Variants in KIAA1328 observed in about 807,000 individuals in gnomAD.
The protein encoded by KIAA1328 is protein hinderin.
In KIAA1328, 52 loss-of-function variants were observed where a neutral mutation model predicts 68.1. That is an observed-to-expected ratio of 0.76 (90% CI 0.61 to 0.96). The LOEUF (loss-of-function observed/expected upper bound fraction) is 0.96. Ranked by LOEUF, KIAA1328 falls within the 40% of genes least tolerant of loss-of-function variation. KIAA1328 has a pLI of 0.00. For missense variants in KIAA1328, 641 were observed against 677.6 expected (o/e 0.95, Z 0.60); for synonymous variants, 232 against 239.4 (o/e 0.97, Z 0.28).
At chr18:36,948,261 G>GTTTTTTTTTTTTTTTTT (rs1167822236) in intron 5 of KIAA1328, among the ~76,000 whole-genome samples, 3 of 115,746 alleles carry the variant, frequency 2.6e-5, no homozygotes, top group Non-Finnish European at 5.3e-5. Context: ...TTTGTCTTTT[G>GTTTTTTTTTTTTTTTTT]TTTTTTTTTT....
chr18:37,193,249 C>T (rs2059941226), intron 9 of KIAA1328, among the ~76,000 whole-genome samples: 1 of 152,114 alleles, frequency 6.6e-6, no homozygotes, highest in African/African-American at 2.4e-5. Flanking sequence ...AGTCCCTCAT[C>T]CAAAACTCTT....
chr18:37,217,547 C>T (rs939382910), intron 9 of KIAA1328, among the ~76,000 whole-genome samples: 4 of 152,144 alleles, frequency 2.6e-5, no homozygotes, highest in Non-Finnish European at 5.9e-5. Context: ...GCTGTTAGTC[C>T]AATGGGCTTC....
chr18:37,067,198 T>C lies in KIAA1328; in HGVS notation c.885T>C (p.Cys295=). Residue 295 remains cysteine (C), a synonymous_variant, in exon 7 of 10, where the codon TGT becomes TGC. Coordinates refer to ENST00000280020, the MANE Select transcript of KIAA1328 (RefSeq NM_020776.3). The stretch of plus-strand genomic sequence containing the variant: ...AAGAAGAATTGCACATGAAGGAATG[T>C]CCACATCTTAAGCCTACTCCTAGTC... The part of the protein sequence containing the change: ...MPQEELHMKE[C]PHLKPTPSQC... 1 of 1,613,972 alleles carries C rather than the reference T, an allele frequency of 6.2e-7. No individual in the cohort carries two copies. The highest frequency in any genetic ancestry group is 8.5e-7 in the Non-Finnish European group (1 of 1,179,872).
intron 6 of KIAA1328, among the ~76,000 whole-genome samples, chr18:37,036,217 T>G (rs1172360820): frequency 6.6e-6 from 1 of 152,224 alleles, no homozygotes; most frequent in African/African-American, 2.4e-5. Context: ...TTGAGTTGTT[T>G]CTGGAGCATT....
At chr18:37,189,557 G>C (rs1007008387) in intron 9 of KIAA1328, among the ~76,000 whole-genome samples, 2 of 152,122 alleles carry the variant, frequency 1.3e-5, no homozygotes, top group African/African-American at 4.8e-5. Flanking sequence ...ATGAAATACT[G>C]TATGGCCTAT....
intron 7 of KIAA1328, among the ~76,000 whole-genome samples, chr18:37,128,261 G>A (rs2058439583): frequency 6.6e-6 from 1 of 152,102 alleles, no homozygotes; most frequent in African/African-American, 2.4e-5. Flanking sequence ...TTGAGGCCAG[G>A]AGTTTAAGAC....
chr18:37,095,852 A>C (rs2057389725), intron 7 of KIAA1328, among the ~76,000 whole-genome samples: 1 of 152,248 alleles, frequency 6.6e-6, no homozygotes. Context: ...ATTAGAGACT[A>C]TTATGAAAAA....
At chr18:37,091,816 G>C (rs968394871) in intron 7 of KIAA1328, among the ~76,000 whole-genome samples, 5 of 152,152 alleles carry the variant, frequency 3.3e-5, no homozygotes, top group African/African-American at 1.2e-4. Flanking sequence ...ACACCCTAGG[G>C]AACAGGCAGT....
intron 7 of KIAA1328, among the ~76,000 whole-genome samples, chr18:37,099,512 T>G (rs1351085692): frequency 4.6e-5 from 7 of 152,156 alleles, no homozygotes; most frequent in East Asian, 3.9e-4. Context: ...GTCAATTTTG[T>G]AATAGGTGTG....
intron 6 of KIAA1328, among the ~76,000 whole-genome samples, chr18:37,049,894 C>T (rs1474534591): frequency 6.6e-6 from 1 of 152,098 alleles, no homozygotes; most frequent in East Asian, 1.9e-4. Context: ...ATACAGTGTA[C>T]GTACTTTTTC....
Position 37,223,073 on chromosome 18 carries a change from C to T in KIAA1328, c.*846C>T, listed in dbSNP as rs1403363242. On this transcript the variant is annotated 3_prime_UTR_variant, in exon 10 of 10. Coordinates refer to ENST00000280020, the MANE Select transcript of KIAA1328 (RefSeq NM_020776.3). ...CCCCACCCCCCCACCCCCCATCACACGTGCTCCTGTGAACTTTCCATGGTT... is the reference window on the plus strand; with the variant it reads ...CCCCACCCCCCCACCCCCCATCACATGTGCTCCTGTGAACTTTCCATGGTT... The T allele has an allele frequency of 1.8e-5, 17 of 958,660 alleles. No individual in the cohort carries two copies. Among genetic ancestry groups the T allele is most frequent in the East Asian group, 1.2e-4 (1 of 8,320 alleles). The allele number at this position is 958,660 out of a possible 1,614,324, so 59.4% of individuals were successfully genotyped here. A position where few individuals can be genotyped will look rare whatever the true frequency, so the allele number is the denominator to read the frequency against.
intron 7 of KIAA1328, among the ~76,000 whole-genome samples, chr18:37,133,928 A>G (rs1356875022): frequency 1.3e-5 from 2 of 152,170 alleles, no homozygotes; most frequent in East Asian, 3.8e-4. Context: ...TTTCCAAAGA[A>G]CATATTGATA....
intron 6 of KIAA1328, among the ~76,000 whole-genome samples, chr18:36,975,284 G>A (rs1185108997): frequency 1.3e-5 from 2 of 148,240 alleles, no homozygotes; most frequent in Admixed American, 6.9e-5. Context: ...CCGGGTTCAC[G>A]CCATTCTCCT....
intron 6 of KIAA1328, among the ~76,000 whole-genome samples, chr18:37,021,926 G>C (rs1346735779): frequency 6.6e-6 from 1 of 152,068 alleles, no homozygotes; most frequent in African/African-American, 2.4e-5. Flanking sequence ...TGTAGTCCCA[G>C]CTACTCAGGA....
intron 6 of KIAA1328, among the ~76,000 whole-genome samples, chr18:36,975,751 T>G (rs1249984100): frequency 1.3e-5 from 2 of 152,218 alleles, no homozygotes; most frequent in African/African-American, 4.8e-5. Flanking sequence ...ACTAAATCAT[T>G]TCTTCCCTTA....
intron 7 of KIAA1328, among the ~76,000 whole-genome samples, chr18:37,115,739 T>C (rs994688339): frequency 6.6e-6 from 1 of 152,220 alleles, no homozygotes; most frequent in African/African-American, 2.4e-5. Flanking sequence ...TGTTTGCAGA[T>C]GACATGATTG....
chr18:37,102,291 A>G (rs945199198), intron 7 of KIAA1328, among the ~76,000 whole-genome samples: 1 of 152,162 alleles, frequency 6.6e-6, no homozygotes, highest in Non-Finnish European at 1.5e-5. Context: ...CAGGGGAGGG[A>G]CAGCAACAGG....
chr18:37,207,229 G>C (rs1211224809), intron 9 of KIAA1328, among the ~76,000 whole-genome samples: 1 of 152,114 alleles, frequency 6.6e-6, no homozygotes, highest in Non-Finnish European at 1.5e-5. Context: ...CAATTTGTCT[G>C]GTTCTAAAAC....
chr18:37,214,698 T>C (rs1277680058), intron 9 of KIAA1328, among the ~76,000 whole-genome samples: 2 of 152,336 alleles, frequency 1.3e-5, no homozygotes, highest in Middle Eastern at 3.4e-3. Context: ...AAGTCATTGG[T>C]AGCTTGATGG....
Sources: allele counts gnomAD v4.1 joint callset (sites outside exome capture counted in the v4.1 genomes callset), GRCh38; gene constraint gnomAD v4.1.1; transcripts MANE v1.5; gene names NCBI Gene and HGNC (gene_info 2026-07-23, HGNC 2026-07-21).